The following CSMD1 variants were observed in gnomAD, a reference collection of about 807,000 sequenced individuals.
CSMD1 encodes the protein CUB and sushi domain-containing protein 1.
A neutral mutation model predicts 417.5 loss-of-function variants in CSMD1; 213 were observed. The ratio of observed to expected loss-of-function variants is 0.51; its 90% CI spans 0.46 to 0.57. The LOEUF is 0.57. Among genes scored for constraint, CSMD1 ranks in the 20% least tolerant of loss-of-function variants. The pLI is 0.00. For missense variants in CSMD1, 6,923 were observed against 4,529.7 expected (o/e 1.53, Z -15.17); for synonymous variants, 2,862 against 1,736.8 (o/e 1.65, Z -16.11).
intron 5 of CSMD1, among the ~76,000 whole-genome samples, chr8:3,801,651 G>C (rs930895961): frequency 6.6e-6 from 1 of 151,966 alleles, no homozygotes; most frequent in African/African-American, 2.4e-5. Flanking sequence ...AAAACATATA[G>C]TAACACAAAA....
chr8:4,703,694 G>A (rs1049016378), intron 1 of CSMD1, among the ~76,000 whole-genome samples: 1 of 151,992 alleles, frequency 6.6e-6, no homozygotes, highest in East Asian at 1.9e-4. Flanking sequence ...CATTGCCTGC[G>A]ACCTTGAATT....
intron 26 of CSMD1, among the ~76,000 whole-genome samples, chr8:3,263,082 T>C (rs991453933): frequency 2.0e-5 from 3 of 152,238 alleles, no homozygotes; most frequent in East Asian, 1.9e-4. Flanking sequence ...ATTGTCCTTA[T>C]ATGTTTTCTC....
At chr8:3,225,508 G>A (rs1027600158) in intron 27 of CSMD1, among the ~76,000 whole-genome samples, 2 of 152,070 alleles carry the variant, frequency 1.3e-5, no homozygotes, top group African/African-American at 2.4e-5. Context: ...CAGTACAAGC[G>A]TGGACCGATC....
At chr8:4,125,844 G>C (rs895314217) in intron 3 of CSMD1, among the ~76,000 whole-genome samples, 6 of 152,230 alleles carry the variant, frequency 3.9e-5, no homozygotes, top group Non-Finnish European at 8.8e-5. Context: ...TGTCCAGTCT[G>C]CTTTGCAGGA....
chr8:3,118,614 A>G (rs1383942484), intron 41 of CSMD1, 27 bp from the exon 42 acceptor site: 1 of 1,600,090 alleles, frequency 6.2e-7, no homozygotes. Flanking sequence ...GACAAAATAA[A>G]GCTTATATTT....
At chr8:4,404,597 A>T (rs1189018399) in intron 3 of CSMD1, among the ~76,000 whole-genome samples, 1 of 152,202 alleles carries the variant, frequency 6.6e-6, no homozygotes, top group Non-Finnish European at 1.5e-5. Flanking sequence ...TAGTAATGGC[A>T]AAAATGGCAA....
At chr8:3,530,991 T>A (rs895202341) in intron 10 of CSMD1, among the ~76,000 whole-genome samples, 1 of 151,756 alleles carries the variant, frequency 6.6e-6, no homozygotes, top group East Asian at 1.9e-4. Flanking sequence ...TAGCTGGGAC[T>A]GCAGGCACAC....
chr8:4,854,745 C>G (rs949388899), intron 1 of CSMD1, among the ~76,000 whole-genome samples: 3 of 152,208 alleles, frequency 2.0e-5, no homozygotes, highest in African/African-American at 7.2e-5. Flanking sequence ...CTATCCCACA[C>G]CTGGCTCGGA....
intron 7 of CSMD1, among the ~76,000 whole-genome samples, chr8:3,636,792 GT>G (rs1277945649): frequency 1.3e-5 from 2 of 152,136 alleles, no homozygotes; most frequent in African/African-American, 4.8e-5. Flanking sequence ...CACACTTTGA[GT>G]TTCATACGAT....
chr8:3,317,085 G>C (rs1015458691), intron 23 of CSMD1, among the ~76,000 whole-genome samples: 2 of 152,110 alleles, frequency 1.3e-5, no homozygotes, highest in Non-Finnish European at 2.9e-5. Context: ...GATAGATGGG[G>C]TCTGTGATGA....
intron 6 of CSMD1, among the ~76,000 whole-genome samples, chr8:3,729,821 T>C (rs1802717000): frequency 6.6e-6 from 1 of 151,554 alleles, no homozygotes; most frequent in Non-Finnish European, 1.5e-5. Flanking sequence ...TACAGCATAT[T>C]TATAAACAAG....
chr8:4,854,825 C>T (rs1253766002), intron 1 of CSMD1, among the ~76,000 whole-genome samples: 6 of 152,130 alleles, frequency 3.9e-5, no homozygotes, highest in South Asian at 2.1e-4. Context: ...AAGGCAGCAG[C>T]GAGGCTGGGG....
At chr8:3,491,356 C>T (rs773512806) in intron 11 of CSMD1, among the ~76,000 whole-genome samples, 3 of 152,122 alleles carry the variant, frequency 2.0e-5, no homozygotes, top group Non-Finnish European at 4.4e-5. Flanking sequence ...TATTATTAGA[C>T]CCAAATTCCC....
chr8:3,762,420 G>T (rs540840947), intron 5 of CSMD1, among the ~76,000 whole-genome samples: 5 of 152,150 alleles, frequency 3.3e-5, no homozygotes, highest in Non-Finnish European at 2.9e-5. Context: ...CTCCTGACAC[G>T]CCAGACTTAC....
At chr8:4,451,375 T>C (rs1308286594) in intron 2 of CSMD1, among the ~76,000 whole-genome samples, 1 of 152,118 alleles carries the variant, frequency 6.6e-6, no homozygotes, top group Non-Finnish European at 1.5e-5. Context: ...TCACAAGTGT[T>C]TATGGAAGAT....
In CSMD1 at chr8:4,532,387, T is replaced by C. The variant is rs149788775; in HGVS notation, c.302+104955A>G. Among the ~76,000 whole-genome samples the C allele has an allele frequency of 9.7e-3, 1,412 of 146,010 alleles. 13 individuals carry two copies. The highest frequency in any genetic ancestry group is 0.06 in the Middle Eastern group (15 of 250). ...GCATTCAGTCACTCCAGAAGAGAAA[T>C]CCTGCACCCCCATTCAGTCACTCCG... On this transcript the variant is annotated intron_variant, in intron 2 of 69. Coordinates refer to ENST00000635120, the MANE Select transcript of CSMD1 (RefSeq NM_033225.6).
intron 2 of CSMD1, among the ~76,000 whole-genome samples, chr8:4,568,248 G>C (rs1798710845): frequency 6.6e-6 from 1 of 152,026 alleles, no homozygotes; most frequent in Non-Finnish European, 1.5e-5. Context: ...ATTTACATTA[G>C]GGATTTCCCC....
chr8:4,779,811 G>A (rs999362989), intron 1 of CSMD1, among the ~76,000 whole-genome samples: 1 of 152,128 alleles, frequency 6.6e-6, no homozygotes, highest in Non-Finnish European at 1.5e-5. Flanking sequence ...GGGATTCCTG[G>A]GCCTGGAAGC....
chr8:3,487,302 C>T (rs890921637), intron 11 of CSMD1, among the ~76,000 whole-genome samples: 3 of 152,088 alleles, frequency 2.0e-5, no homozygotes, highest in South Asian at 2.1e-4. Flanking sequence ...CCTGGGTTCA[C>T]GCCATTCTCC....
Sources: gnomAD v4.1 joint callset for allele counts (sites outside exome capture counted in the v4.1 genomes callset) on GRCh38, gnomAD v4.1.1 for gene constraint, MANE v1.5 for transcripts, NCBI Gene and HGNC (gene_info 2026-07-23, HGNC 2026-07-21) for gene names.